SLC30A6: variants seen among roughly 807,000 people sequenced by gnomAD.
SLC30A6 encodes solute carrier family 30 member 6.
A neutral mutation model predicts 63.0 loss-of-function variants in SLC30A6; 55 were observed. The observed-to-expected ratio is 0.87, with a 90% confidence interval of 0.70 to 1.09. The LOEUF (loss-of-function observed/expected upper bound fraction) is 1.09, where lower values mean the gene tolerates loss of function less well. Ranked by LOEUF, SLC30A6 falls within the 50% of genes least tolerant of loss-of-function variation. The probability of loss-of-function intolerance (pLI) is 0.00; values close to 1 mark genes in which losing one functional copy is unlikely to be tolerated. For missense variants in SLC30A6, 587 were observed against 549.2 expected (o/e 1.07, Z -0.69); for synonymous variants, 224 against 186.1 (o/e 1.20, Z -1.66).
intron 12 of SLC30A6, among the ~76,000 whole-genome samples, chr2:32,208,928 G>A (rs1487348106): frequency 6.6e-6 from 1 of 152,168 alleles, no homozygotes; most frequent in Non-Finnish European, 1.5e-5. Context: ...GTGTGACAGA[G>A]GCCACTTTTA....
rs1686287531 is a variant in SLC30A6, at chr2:32,224,090, A to G, written c.*3377A>G. 6.3e-6 allele frequency: 1 copy of G among 158,814 alleles called. No individual in the cohort carries two copies. Among genetic ancestry groups the G allele is most frequent in the Non-Finnish European group, 1.4e-5 (1 of 72,556 alleles). 9.8% of individuals were successfully genotyped at this position (158,814 alleles called of 1,614,324 possible). ...AAACTGTTTGGATTAAAGAACATAT[A>G]TGGAGTTTCCTCTCTGGTTTTAAAT... On this transcript the variant is annotated 3_prime_UTR_variant, in exon 14 of 14. Coordinates refer to ENST00000282587, the MANE Select transcript of SLC30A6 (RefSeq NM_017964.5).
Position 32,220,144 on chromosome 2 carries a change from T to C in SLC30A6, c.886-69T>C, listed in dbSNP as rs1225000652. On this transcript the variant is annotated intron_variant, in intron 13 of 13. Transcript: ENST00000282587. ...AACTTACCAAATCATAAATAAAATG[T>C]TTTATCTAATGAATTTTTTGTTAGT... The C allele has an allele frequency of 2.7e-6, 4 of 1,493,320 alleles. No individual in the cohort carries two copies. In the African/African-American group the frequency reaches 4.2e-5, roughly 16 times the overall value. The allele number at this position is 1,493,320 out of a possible 1,614,324, so 92.5% of individuals were successfully genotyped here. A position where few individuals can be genotyped will look rare whatever the true frequency, so the allele number is the denominator to read the frequency against.
In SLC30A6 at chr2:32,175,334, C is replaced by T; in HGVS notation, c.191C>T (p.Thr64Ile). The T allele has an allele frequency of 6.2e-7, 1 of 1,611,784 alleles. No homozygotes were observed. Among genetic ancestry groups the T allele is most frequent in the Non-Finnish European group, 8.5e-7 (1 of 1,179,330 alleles). ...TGTTTTGCAGCTTTAACTGCCTATA[C>T]TTACCTGACCATTTTTGATCTTTTT... ...STNSIALTAY[T>I]YLTIFDLFSL... Residue 64 changes from threonine (T) to isoleucine (I), a missense_variant, in exon 4 of 14, where the codon ACT becomes ATT. Physicochemically the swap from Thr to Ile is moderately conservative, Grantham distance 89 (BLOSUM62 -1). Transcript: ENST00000282587.
rs1573268894 is a variant in SLC30A6, at chr2:32,179,390, G to C, written c.218+4029G>C. Among the ~76,000 whole-genome samples the C allele has an allele frequency of 3.3e-5, 5 of 151,986 alleles. No homozygotes were observed. The South Asian group carries it at 1.0e-3, about 32-fold the overall frequency. ...TCAGTATATGAATGATGAAATAATG[G>C]GGCATGTATACCCCATATTTTGGTA... On this transcript the variant is annotated intron_variant, in intron 4 of 13. Transcript: ENST00000282587.
intron 4 of SLC30A6, among the ~76,000 whole-genome samples, chr2:32,176,858 C>T (rs1001736946): frequency 2.6e-5 from 4 of 150,962 alleles, no homozygotes; most frequent in African/African-American, 4.9e-5. Context: ...CTGCAACCTT[C>T]GCCTCCCAGT....
At chr2:32,207,409 C>G (rs1684867834) in intron 12 of SLC30A6, among the ~76,000 whole-genome samples, 1 of 151,754 alleles carries the variant, frequency 6.6e-6, no homozygotes, top group South Asian at 2.1e-4. Flanking sequence ...CAGAGTCTTG[C>G]TCTGTCGCCC....
At chr2:32,169,640 G>A (rs921721463) in intron 1 of SLC30A6, among the ~76,000 whole-genome samples, 34 of 152,278 alleles carry the variant, frequency 2.2e-4, no homozygotes, top group Admixed American at 4.6e-4. Flanking sequence ...TTAGCCGGGC[G>A]TGGTGGTGGG....
At chr2:32,201,082 G>T (rs1164702675) in intron 10 of SLC30A6, among the ~76,000 whole-genome samples, 3 of 152,112 alleles carry the variant, frequency 2.0e-5, no homozygotes, top group Non-Finnish European at 4.4e-5. Flanking sequence ...CACCCCAGGA[G>T]CCTTGTCACT....
Position 32,192,967 on chromosome 2 carries a change from T to G in SLC30A6, c.401+14T>G. The G allele has an allele frequency of 6.8e-7, 1 of 1,479,376 alleles. No individual in the cohort carries two copies. Among genetic ancestry groups the G allele is most frequent in the Non-Finnish European group, 9.2e-7 (1 of 1,084,046 alleles). The allele number at this position is 1,479,376 out of a possible 1,614,324, so 91.6% of individuals were successfully genotyped here. On this transcript the variant is annotated intron_variant, in intron 7 of 13. Coordinates refer to ENST00000282587, the MANE Select transcript of SLC30A6 (RefSeq NM_017964.5). ...CGAGATACACACGTGAGATTTTATT[T>G]TCAATATATAATTTACTATTGATTC...
At chr2:32,182,328 T>A (rs189881825) in intron 4 of SLC30A6, among the ~76,000 whole-genome samples, 123 of 152,304 alleles carry the variant, frequency 8.1e-4, no homozygotes, top group African/African-American at 2.6e-3. Flanking sequence ...CCAACCTAGA[T>A]TATTTGCTGA....
Position 32,193,874 on chromosome 2 carries a change from C to A in SLC30A6, c.402-15C>A. ...AGAACAAATTAAAGGTGAATGTTATCGTTGTTCTTTTTAGGGGAAGATTAT... is the reference window on the plus strand; with the variant it reads ...AGAACAAATTAAAGGTGAATGTTATAGTTGTTCTTTTTAGGGGAAGATTAT... On this transcript the variant is annotated splice_polypyrimidine_tract_variant and intron_variant, in intron 7 of 13. Transcript: ENST00000282587. The A allele has an allele frequency of 6.3e-7, 1 of 1,589,844 alleles. No individual in the cohort carries two copies. The highest frequency in any genetic ancestry group is 8.6e-7 in the Non-Finnish European group (1 of 1,159,160).
In SLC30A6 at chr2:32,209,425, A is replaced by C. The variant is rs1351338937; in HGVS notation, c.817-68A>C. On this transcript the variant is annotated intron_variant, in intron 12 of 13. Transcript: ENST00000282587. ...TTCTTAAGTTTAAACTAAGTCCATA[A>C]TGTGACTAAACTGCATTGGATATGT... The C allele has an allele frequency of 4.0e-6, 5 of 1,256,402 alleles. No individual in the cohort carries two copies. The African/African-American group carries it at 6.1e-5, about 15-fold the overall frequency. The allele number at this position is 1,256,402 out of a possible 1,614,324, so 77.8% of individuals were successfully genotyped here. A position where few individuals can be genotyped will look rare whatever the true frequency, so the allele number is the denominator to read the frequency against.
At chr2:32,206,751 CTT>C in intron 11 of SLC30A6, 133 bp from the exon 12 acceptor site, 1 of 636,710 alleles carries the variant, frequency 1.6e-6, no homozygotes, top group Non-Finnish European at 2.8e-6. Flanking sequence ...TGAAACCTCT[CTT>C]CTCTAAATCA....
intron 10 of SLC30A6, chr2:32,203,868 A>G: frequency 1.8e-6 from 2 of 1,122,574 alleles, no homozygotes; most frequent in Non-Finnish European, 2.7e-6. Flanking sequence ...CGGGCCGATC[A>G]GGTGGTCGAT....
intron 10 of SLC30A6, among the ~76,000 whole-genome samples, chr2:32,198,649 T>C (rs1348047121): frequency 6.6e-6 from 1 of 152,196 alleles, no homozygotes; most frequent in Non-Finnish European, 1.5e-5. Context: ...AATGGCATGA[T>C]CTCAGCTCAC....
At chr2:32,202,667 T>C (rs1684400900) in intron 10 of SLC30A6, 1 of 628,572 alleles carries the variant, frequency 1.6e-6, no homozygotes, top group Non-Finnish European at 3.0e-6. Context: ...ATGTTGTGCT[T>C]GATGAAGTGG....
intron 13 of SLC30A6, among the ~76,000 whole-genome samples, chr2:32,214,750 G>A (rs1487779909): frequency 2.6e-5 from 4 of 152,190 alleles, no homozygotes; most frequent in Non-Finnish European, 5.9e-5. Context: ...ATTAACGCAT[G>A]CACTGTAATT....
At chr2:32,214,803 T>C (rs1685561954) in intron 13 of SLC30A6, among the ~76,000 whole-genome samples, 1 of 152,256 alleles carries the variant, frequency 6.6e-6, no homozygotes, top group Non-Finnish European at 1.5e-5. Flanking sequence ...CAGAGTTTCC[T>C]TATTTTAATT....
chr2:32,216,698 C>T (rs1310300401), intron 13 of SLC30A6, among the ~76,000 whole-genome samples: 2 of 151,860 alleles, frequency 1.3e-5, no homozygotes, highest in East Asian at 1.9e-4. Context: ...TTCTTGGCCA[C>T]TTGTATGACT....
Sources: gnomAD v4.1 joint callset for allele counts (sites outside exome capture counted in the v4.1 genomes callset) on GRCh38, gnomAD v4.1.1 for gene constraint, MANE v1.5 for transcripts, NCBI Gene and HGNC (gene_info 2026-07-23, HGNC 2026-07-21) for gene names.